Variants in CSMD1 observed in about 807,000 individuals in gnomAD.
CSMD1 encodes the protein CUB and sushi domain-containing protein 1.
In CSMD1, 213 loss-of-function variants were observed where a neutral mutation model predicts 417.5. That is an observed-to-expected ratio of 0.51 (90% confidence interval 0.46 to 0.57). The LOEUF (loss-of-function observed/expected upper bound fraction) is 0.57. Ranked by LOEUF, CSMD1 falls within the 20% of genes least tolerant of loss-of-function variation. The pLI is 0.00. For missense variants in CSMD1, 6,923 were observed against 4,529.7 expected (o/e 1.53, Z -15.17); for synonymous variants, 2,862 against 1,736.8 (o/e 1.65, Z -16.11).
chr8:4,670,414 T>G (rs1416477038), intron 1 of CSMD1, among the ~76,000 whole-genome samples: 1 of 152,142 alleles, frequency 6.6e-6, no homozygotes, highest in Non-Finnish European at 1.5e-5. Context: ...AAAGAAAATG[T>G]GTGTTTTGGA....
At chr8:4,223,608 A>G (rs894807741) in intron 3 of CSMD1, among the ~76,000 whole-genome samples, 2 of 152,238 alleles carry the variant, frequency 1.3e-5, no homozygotes, top group African/African-American at 4.8e-5. Flanking sequence ...TTGATTGACC[A>G]TGGGAAAGAA....
At chr8:3,720,655 A>ACACACACACACC (rs1435579676) in intron 6 of CSMD1, among the ~76,000 whole-genome samples, 18 of 148,936 alleles carry the variant, frequency 1.2e-4, no homozygotes, top group African/African-American at 3.2e-4. Context: ...ACACACACAC[A>ACACACACACACC]CCAGCACATT....
At chr8:4,726,887 G>C (rs1809496127) in intron 1 of CSMD1, among the ~76,000 whole-genome samples, 1 of 152,074 alleles carries the variant, frequency 6.6e-6, no homozygotes, top group Admixed American at 6.6e-5. Context: ...AACATTATTA[G>C]AAATATGAAG....
chr8:3,376,479 T>C (rs1166514165), intron 18 of CSMD1, among the ~76,000 whole-genome samples: 5 of 152,044 alleles, frequency 3.3e-5, no homozygotes, highest in African/African-American at 2.4e-5. Context: ...AAATTTACAA[T>C]GTTAAATATA....
intron 3 of CSMD1, among the ~76,000 whole-genome samples, chr8:4,204,822 C>CT (rs1486814015): frequency 3.6e-5 from 5 of 139,732 alleles, no homozygotes; most frequent in African/African-American, 1.4e-4. Context: ...ACACAGCTAA[C>CT]TTTTATTTAA....
chr8:4,718,939 G>A (rs1399462477), intron 1 of CSMD1, among the ~76,000 whole-genome samples: 1 of 151,966 alleles, frequency 6.6e-6, no homozygotes, highest in African/African-American at 2.4e-5. Flanking sequence ...ATTATACACT[G>A]ACAGGAAAAA....
Position 4,206,481 on chromosome 8 carries a change from C to T in CSMD1, c.416-174382G>A, listed in dbSNP as rs28609374. 6.4e-3 allele frequency among the ~76,000 whole-genome samples: 978 copies of T among 152,244 alleles called. 17 individuals carry two copies. Among genetic ancestry groups the T allele is most frequent in the African/African-American group, 0.022 (931 of 41,532 alleles). Reference sequence around the variant, plus strand: ...ATAGTTTGCTCAGAATAATGGTTTCCAGCTTCGTCCATGTCCCTACAAAGG... The same window carrying T: ...ATAGTTTGCTCAGAATAATGGTTTCTAGCTTCGTCCATGTCCCTACAAAGG... On this transcript the variant is annotated intron_variant, in intron 3 of 69. Transcript: ENST00000635120.
rs1291169504 is a variant in CSMD1, at chr8:4,774,269, A to C, written c.86-136711T>G. ...CAGCATTTGCGAATGGGGCAATGTT[A>C]AATTAACAGTGCAGTTTGAATCTTA... On this transcript the variant is annotated intron_variant, in intron 1 of 69. Coordinates refer to ENST00000635120, the MANE Select transcript of CSMD1 (RefSeq NM_033225.6). 2.0e-5 allele frequency among the ~76,000 whole-genome samples: 3 copies of C among 152,190 alleles called. No individual in the cohort carries two copies. The East Asian group carries it at 5.8e-4, about 29-fold the overall frequency.
chr8:3,592,939 C>T (rs920845475), intron 8 of CSMD1, among the ~76,000 whole-genome samples: 1 of 152,118 alleles, frequency 6.6e-6, no homozygotes, highest in East Asian at 1.9e-4. Context: ...GATGAGTTGC[C>T]CAAACAGCAA....
chr8:3,990,844 G>A (rs975768703), intron 5 of CSMD1, among the ~76,000 whole-genome samples: 20 of 152,158 alleles, frequency 1.3e-4, no homozygotes, highest in African/African-American at 4.3e-4. Context: ...GTGAATCAGA[G>A]AGTGCAGCTG....
chr8:3,133,879 A>G (rs1323948376), intron 41 of CSMD1, among the ~76,000 whole-genome samples: 1 of 152,198 alleles, frequency 6.6e-6, no homozygotes, highest in African/African-American at 2.4e-5. Context: ...AAAGTCCTAG[A>G]AAGTGCTCTG....
intron 5 of CSMD1, among the ~76,000 whole-genome samples, chr8:3,967,753 T>C (rs1369932694): frequency 1.3e-5 from 2 of 152,132 alleles, no homozygotes; most frequent in African/African-American, 4.8e-5. Flanking sequence ...AGAAAGAACC[T>C]AATTTAATAT....
chr8:4,360,191 G>A (rs1277402922), intron 3 of CSMD1, among the ~76,000 whole-genome samples: 4 of 152,098 alleles, frequency 2.6e-5, no homozygotes, highest in East Asian at 1.9e-4. Context: ...GAGTAAACGC[G>A]TGGCATTTGT....
chr8:4,016,997 G>C (rs1026863982), intron 4 of CSMD1, among the ~76,000 whole-genome samples: 2 of 152,118 alleles, frequency 1.3e-5, no homozygotes, highest in Non-Finnish European at 2.9e-5. Flanking sequence ...CACAATAACA[G>C]AAATCATAGA....
At chr8:2,959,748 T>C (rs192801285) in intron 62 of CSMD1, among the ~76,000 whole-genome samples, 46 of 152,268 alleles carry the variant, frequency 3.0e-4, no homozygotes, top group Non-Finnish European at 6.3e-4. Flanking sequence ...GGTTTCAGCA[T>C]ATGGTGCTAA....
chr8:4,123,513 T>G (rs994377703), intron 3 of CSMD1, among the ~76,000 whole-genome samples: 1 of 152,208 alleles, frequency 6.6e-6, no homozygotes, highest in Non-Finnish European at 1.5e-5. Context: ...CGGGACTGTG[T>G]TTTCTTTGAT....
In CSMD1 at chr8:4,027,700, A is replaced by G. The variant is rs143951627; in HGVS notation, c.610+4205T>C. Among the ~76,000 whole-genome samples the G allele has an allele frequency of 1.6e-4, 24 of 152,292 alleles. 1 individual carries two copies. In the East Asian group the frequency reaches 4.3e-3, roughly 27 times the overall value. Reference sequence around the variant, plus strand: ...CGGACTAATACAGATGACAACTGACATTTTAGACATGGGGGCCCATTGAAC... The same window carrying G: ...CGGACTAATACAGATGACAACTGACGTTTTAGACATGGGGGCCCATTGAAC... On this transcript the variant is annotated intron_variant, in intron 4 of 69. Coordinates refer to ENST00000635120, the MANE Select transcript of CSMD1 (RefSeq NM_033225.6).
rs945372401 is a variant in CSMD1 at position 3,440,366 on chromosome 8, C to G, written c.1561+28346G>C. 1.1e-4 allele frequency among the ~76,000 whole-genome samples: 16 copies of G among 152,286 alleles called. No individual in the cohort carries two copies. The East Asian group carries it at 2.9e-3, about 28-fold the overall frequency. The stretch of plus-strand genomic sequence containing the variant: ...TCAGTCTATGAGTCCTATACATATA[C>G]AGTTTTCTTTAGATTTCCACATATT... On this transcript the variant is annotated intron_variant, in intron 12 of 69. Coordinates refer to ENST00000635120, the MANE Select transcript of CSMD1 (RefSeq NM_033225.6).
At chr8:3,980,796 C>T (rs1346677414) in intron 5 of CSMD1, among the ~76,000 whole-genome samples, 1 of 152,188 alleles carries the variant, frequency 6.6e-6, no homozygotes, top group Non-Finnish European at 1.5e-5. Context: ...ACTGGGGATA[C>T]ATACCCCTTG....
Sources: gnomAD v4.1 joint callset for allele counts (sites outside exome capture counted in the v4.1 genomes callset) on GRCh38, gnomAD v4.1.1 for gene constraint, MANE v1.5 for transcripts, NCBI Gene and HGNC (gene_info 2026-07-23, HGNC 2026-07-21) for gene names.